The following DSCAM variants were observed in gnomAD, a reference collection of about 807,000 sequenced individuals.
The protein encoded by DSCAM is DS cell adhesion molecule.
Under a neutral mutation model 217.7 loss-of-function variants are expected in DSCAM, and 47 were observed. The observed-to-expected ratio is 0.22, with a 90% CI of 0.17 to 0.28. The LOEUF (loss-of-function observed/expected upper bound fraction) is 0.28. DSCAM is among the 10% of genes least tolerant of loss of function. DSCAM has a pLI of 1.00. For synonymous variants in DSCAM, 1,056 were observed against 1,015.3 expected (o/e 1.04, Z -0.76); for missense variants, 2,080 against 2,618.3 (o/e 0.79, Z 4.49).
At chr21:40,031,771 G>A (rs997717375) in intron 32 of DSCAM, among the ~76,000 whole-genome samples, 9 of 152,170 alleles carry the variant, frequency 5.9e-5, no homozygotes, top group Non-Finnish European at 1.2e-4. Context: ...TGTACACTCT[G>A]CTGGCACCAG....
In DSCAM at chr21:40,538,329, G is replaced by GT. The variant is rs376675020; in HGVS notation, c.508+154480_508+154481insA. Among the ~76,000 whole-genome samples the GT allele has an allele frequency of 5.0e-3, 763 of 152,260 alleles. 3 individuals are homozygous for GT. The highest frequency in any genetic ancestry group is 0.018 in the African/African-American group (729 of 41,554). On this transcript the variant is annotated intron_variant, in intron 3 of 32. Transcript: ENST00000400454. ...CACAGCAGCACGCCAAGCACAGCAG[G>GT]AAGCTAAGCAGGCCCATCACGCTGT...
At chr21:40,722,823 A>C (rs1002176508) in intron 1 of DSCAM, among the ~76,000 whole-genome samples, 1 of 152,112 alleles carries the variant, frequency 6.6e-6, no homozygotes, top group South Asian at 2.1e-4. Flanking sequence ...AAAGTAAAAA[A>C]AATAGAAAAA....
chr21:40,295,368 A>G, intron 10 of DSCAM, among the ~76,000 whole-genome samples: 1 of 152,218 alleles, frequency 6.6e-6, no homozygotes, highest in South Asian at 2.1e-4. Flanking sequence ...TTGTTTTTCC[A>G]AAGTCTAACA....
chr21:40,092,261 G>T (rs1377399817), intron 21 of DSCAM, among the ~76,000 whole-genome samples: 1 of 152,154 alleles, frequency 6.6e-6, no homozygotes, highest in Non-Finnish European at 1.5e-5. Flanking sequence ...TAAGGTGGAA[G>T]GGGCCTGGAT....
chr21:40,489,774 CAAAAAAAAAAAAA>C (rs35247505), intron 3 of DSCAM, among the ~76,000 whole-genome samples: 2 of 47,178 alleles, frequency 4.2e-5, no homozygotes, highest in Admixed American at 4.3e-4. Context: ...GACTCCGTCT[CAAAAAAAAAAAAA>C]AAAAAAAAAA....
chr21:40,144,413 G>C lies in DSCAM; in HGVS notation c.3259+78C>G. The C allele has an allele frequency of 5.7e-6, 9 of 1,581,374 alleles. No individual in the cohort carries two copies. The highest frequency in any genetic ancestry group is 2.3e-5 in the East Asian group (1 of 44,438). On this transcript the variant is annotated intron_variant, in intron 17 of 32. Coordinates refer to ENST00000400454, the MANE Select transcript of DSCAM (RefSeq NM_001389.5). The surrounding 1 kb of genome is among the most constrained non-coding windows in gnomAD (Gnocchi z 4.8). ...AAAGTCGTGGGGCGGGGGAGTGCGA[G>C]GTTGGGGGAGCCCCGGGGCAGACCC... is the stretch of plus-strand genomic sequence containing the variant.
intron 5 of DSCAM, among the ~76,000 whole-genome samples, chr21:40,351,722 G>T (rs1353737420): frequency 2.6e-5 from 4 of 152,100 alleles, no homozygotes; most frequent in Admixed American, 2.6e-4. Context: ...AGATGTGGAA[G>T]AAGGGAACAA....
chr21:40,437,675 A>AC (rs1261586677), intron 3 of DSCAM, among the ~76,000 whole-genome samples: 2 of 151,864 alleles, frequency 1.3e-5, no homozygotes, highest in African/African-American at 4.8e-5. Flanking sequence ...ACATGGTGAG[A>AC]CCCCGTCACT....
At chr21:40,469,703 A>G (rs867745726) in intron 3 of DSCAM, among the ~76,000 whole-genome samples, 50 of 152,352 alleles carry the variant, frequency 3.3e-4, no homozygotes, top group African/African-American at 1.0e-3. Flanking sequence ...AAGTCAATAA[A>G]TACATGAATA....
intron 18 of DSCAM, among the ~76,000 whole-genome samples, chr21:40,135,862 T>C (rs1295538075): frequency 6.6e-6 from 1 of 152,190 alleles, no homozygotes; most frequent in Non-Finnish European, 1.5e-5. Flanking sequence ...AAATACTGCA[T>C]GGGATGGCTG....
intron 19 of DSCAM, among the ~76,000 whole-genome samples, chr21:40,130,732 T>G (rs867058065): frequency 1.3e-5 from 2 of 152,206 alleles, no homozygotes; most frequent in Non-Finnish European, 2.9e-5. Context: ...AATCTTTAGA[T>G]AGTGGTAGAG....
At chr21:40,424,991 T>C (rs946141818) in intron 3 of DSCAM, among the ~76,000 whole-genome samples, 1 of 151,904 alleles carries the variant, frequency 6.6e-6, no homozygotes, top group African/African-American at 2.4e-5. Flanking sequence ...CCAGCTATTC[T>C]GGAGGCTGAG....
At chr21:40,680,975 T>C (rs7278910) in intron 3 of DSCAM, among the ~76,000 whole-genome samples, 70,053 of 151,912 alleles carry the variant, frequency 0.46, 16,458 homozygotes, top group African/African-American at 0.52. Flanking sequence ...ACTTTGCAAA[T>C]AGAATCTAGT....
chr21:40,549,759 C>T (rs1352298794), intron 3 of DSCAM, among the ~76,000 whole-genome samples: 1 of 152,154 alleles, frequency 6.6e-6, no homozygotes, highest in East Asian at 1.9e-4. Context: ...GAAACCCCAG[C>T]TAAGCTAACA....
At chr21:40,722,742 T>C (rs969189100) in intron 1 of DSCAM, among the ~76,000 whole-genome samples, 8 of 151,986 alleles carry the variant, frequency 5.3e-5, no homozygotes, top group African/African-American at 1.9e-4. Context: ...CATTGTCAGA[T>C]TGAATAAAAA....
intron 11 of DSCAM, among the ~76,000 whole-genome samples, chr21:40,247,319 T>TCAG (rs1413006049): frequency 6.6e-6 from 1 of 152,178 alleles, no homozygotes; most frequent in Non-Finnish European, 1.5e-5. Flanking sequence ...ATTTCAGTAT[T>TCAG]AACCCAAAGT....
chr21:40,339,475 GTA>G (rs1168395156), intron 6 of DSCAM, 60 bp from the exon 7 acceptor site: 1 of 1,449,806 alleles, frequency 6.9e-7, no homozygotes. Flanking sequence ...CAACTTCCAA[GTA>G]TATGTCTTTC....
At chr21:40,112,604 T>A (rs1028570618) in intron 20 of DSCAM, among the ~76,000 whole-genome samples, 1 of 152,046 alleles carries the variant, frequency 6.6e-6, no homozygotes, top group African/African-American at 2.4e-5. Flanking sequence ...CAAAAAACCC[T>A]TGAAAAAATC....
At chr21:40,280,591 A>G (rs2073747476) in intron 10 of DSCAM, among the ~76,000 whole-genome samples, 1 of 152,244 alleles carries the variant, frequency 6.6e-6, no homozygotes, top group Admixed American at 6.5e-5. Context: ...GATTTAAAGC[A>G]TGAGAATTTT....
Sources: allele counts gnomAD v4.1 joint callset (sites outside exome capture counted in the v4.1 genomes callset), GRCh38; gene constraint gnomAD v4.1.1; non-coding constraint Gnocchi (gnomAD v3.1); transcripts MANE v1.5; gene names NCBI Gene and HGNC (gene_info 2026-07-23, HGNC 2026-07-21).